The following ABCB5 variants were observed in gnomAD, a reference collection of about 807,000 sequenced individuals.
The protein encoded by ABCB5 is ATP binding cassette subfamily B member 5.
Under a neutral mutation model 144.2 loss-of-function variants are expected in ABCB5, and 155 were observed. The ratio of observed to expected loss-of-function variants is 1.08; its 90% confidence interval spans 0.94 to 1.23. The LOEUF (loss-of-function observed/expected upper bound fraction) is 1.23. ABCB5 is among the 50% of genes most tolerant of loss of function. The pLI, the probability that ABCB5 is intolerant of heterozygous loss-of-function variation, is 0.00. For synonymous variants in ABCB5, 610 were observed against 528.6 expected (o/e 1.15, Z -2.11); for missense variants, 1,830 against 1,520.8 (o/e 1.20, Z -3.38).
chr7:20,725,714 T>C (rs1399385053), intron 21 of ABCB5, among the ~76,000 whole-genome samples: 1 of 152,244 alleles, frequency 6.6e-6, no homozygotes. Context: ...CCTTTTTTTA[T>C]CTTCATTCCT....
chr7:20,698,615 C>T (rs1426478152), intron 17 of ABCB5, 65 bp downstream of exon 17: 1 of 1,466,512 alleles, frequency 6.8e-7, no homozygotes, highest in Non-Finnish European at 9.2e-7. Context: ...AGAGAACAAG[C>T]TTGTATCAGT....
intron 5 of ABCB5, among the ~76,000 whole-genome samples, chr7:20,639,605 C>A (rs1784245353): frequency 6.6e-6 from 1 of 152,268 alleles, no homozygotes; most frequent in African/African-American, 2.4e-5. Context: ...AAAAAACAGT[C>A]TTTTCTCAAT....
chr7:20,652,737 C>A (rs1162011125), intron 13 of ABCB5, among the ~76,000 whole-genome samples: 1 of 152,052 alleles, frequency 6.6e-6, no homozygotes, highest in Admixed American at 6.6e-5. Context: ...AAAATATTTC[C>A]TGAAGTATTA....
At chr7:20,708,512 T>G (rs1055802069) in intron 20 of ABCB5, among the ~76,000 whole-genome samples, 1 of 152,090 alleles carries the variant, frequency 6.6e-6, no homozygotes, top group African/African-American at 2.4e-5. Flanking sequence ...TGAAAAAAAA[T>G]TGTTTTTCAA....
intron 20 of ABCB5, among the ~76,000 whole-genome samples, chr7:20,711,284 T>A (rs1281284324): frequency 6.7e-6 from 1 of 149,858 alleles, no homozygotes; most frequent in East Asian, 2.0e-4. Flanking sequence ...TCCATTGGTA[T>A]CATTTTCCTT....
chr7:20,689,989 G>A (rs1188420218), intron 16 of ABCB5, among the ~76,000 whole-genome samples: 1 of 152,148 alleles, frequency 6.6e-6, no homozygotes, highest in Non-Finnish European at 1.5e-5. Context: ...GGTTCATGCA[G>A]GGCCTCTTAG....
chr7:20,644,774 C>T (rs1784367007), intron 7 of ABCB5, among the ~76,000 whole-genome samples: 1 of 152,164 alleles, frequency 6.6e-6, no homozygotes. Context: ...AGTAATTCAA[C>T]CAAACAAGAA....
intron 2 of ABCB5, among the ~76,000 whole-genome samples, chr7:20,625,191 T>C (rs1433073541): frequency 1.3e-5 from 2 of 152,170 alleles, no homozygotes; most frequent in African/African-American, 4.8e-5. Flanking sequence ...CCAGAGCAAA[T>C]TGACCGGAAC....
At chr7:20,699,547 A>G (rs1786540210) in intron 17 of ABCB5, among the ~76,000 whole-genome samples, 1 of 151,884 alleles carries the variant, frequency 6.6e-6, no homozygotes, top group African/African-American at 2.4e-5. Flanking sequence ...TTAAAAACAT[A>G]AAAATTAGCC....
At position 20,643,373 on chromosome 7, in the gene ABCB5, A is replaced by G. The variant is rs371630547; in HGVS notation, c.504A>G (p.Thr168=). The change falls in exon 6 of 28, where the codon ACA becomes ACG. Residue 168 remains threonine (T), a splice_region_variant and synonymous_variant. Transcript: ENST00000404938. The part of the protein sequence containing the change: ...CDIGELNTRM[T]DDIDKISDGI... ...TCGGTGAACTTAACACTCGCATGAC[A>G]GAGTAAGAGGATGATATTGTAGTAC... 202 of 1,613,812 alleles carry G rather than the reference A, an allele frequency of 1.3e-4. No homozygotes were observed. The highest frequency in any genetic ancestry group is 1.6e-4 in the Non-Finnish European group (193 of 1,179,796).
chr7:20,717,407 T>C (rs1781709365), intron 20 of ABCB5, among the ~76,000 whole-genome samples: 1 of 151,794 alleles, frequency 6.6e-6, no homozygotes, highest in Admixed American at 6.6e-5. Flanking sequence ...CTTCTCTGTG[T>C]ATGCAGTGTC....
At chr7:20,728,102 A>T (rs1167026767) in intron 22 of ABCB5, among the ~76,000 whole-genome samples, 1 of 152,200 alleles carries the variant, frequency 6.6e-6, no homozygotes, top group Non-Finnish European at 1.5e-5. Context: ...AGAGTATATG[A>T]CTATAGGGAA....
intron 27 of ABCB5, among the ~76,000 whole-genome samples, chr7:20,754,206 T>C (rs1465752924): frequency 6.6e-6 from 1 of 152,216 alleles, no homozygotes; most frequent in South Asian, 2.1e-4. Context: ...ATTGGCACAC[T>C]AAGGCTTAGA....
chr7:20,738,023 C>A (rs976658169), intron 23 of ABCB5, among the ~76,000 whole-genome samples: 38 of 152,176 alleles, frequency 2.5e-4, no homozygotes, highest in African/African-American at 8.9e-4. Context: ...TCAGCATCTA[C>A]ATCTACCCTT....
intron 26 of ABCB5, among the ~76,000 whole-genome samples, chr7:20,750,154 T>C (rs1314037568): frequency 1.3e-5 from 2 of 152,152 alleles, no homozygotes; most frequent in South Asian, 2.1e-4. Flanking sequence ...CACAGGCAGC[T>C]TGAGAGATCA....
intron 13 of ABCB5, chr7:20,651,843 G>T: frequency 1.9e-6 from 1 of 539,154 alleles, no homozygotes. Context: ...ATTTTTTTGT[G>T]ATTTTTAAAA....
intron 4 of ABCB5, among the ~76,000 whole-genome samples, chr7:20,630,483 C>G (rs1415684824): frequency 1.3e-5 from 2 of 152,008 alleles, no homozygotes; most frequent in African/African-American, 4.8e-5. Context: ...AAACCCATTG[C>G]TTCCATCTCT....
At position 20,742,883 on chromosome 7, in the gene ABCB5, T is replaced by C. The variant is rs1194284013; in HGVS notation, c.3031T>C (p.Cys1011Arg). ...TGTCAACTTCCTTTCACAGGACACA[T>C]GTGAAGGGAATTTAGAGTTTCGAGA... ...RSQEGKKPDT[C>R]EGNLEFREVS... The change falls in exon 25 of 28, where the codon TGT becomes CGT. Residue 1011 changes from cysteine to arginine, a missense_variant. By Grantham distance (180) the Cys-to-Arg change is radical (BLOSUM62 -3). Transcript: ENST00000404938. 1.9e-6 allele frequency: 3 copies of C among 1,613,970 alleles called. No individual in the cohort carries two copies. Among genetic ancestry groups the C allele is most frequent in the African/African-American group, 2.7e-5 (2 of 74,922 alleles).
intron 18 of ABCB5, 47 bp from the exon 19 acceptor site, chr7:20,700,011 A>G: frequency 2.5e-6 from 4 of 1,603,046 alleles, no homozygotes; most frequent in Non-Finnish European, 3.4e-6. Flanking sequence ...TATCAACTAA[A>G]TGTTACAAAG....
Sources: allele counts gnomAD v4.1 joint callset (sites outside exome capture counted in the v4.1 genomes callset), GRCh38; gene constraint gnomAD v4.1.1; transcripts MANE v1.5; gene names NCBI Gene and HGNC (gene_info 2026-07-23, HGNC 2026-07-21).